The following SPAG16 variants were observed in gnomAD, a reference collection of about 807,000 sequenced individuals.
The protein encoded by SPAG16 is sperm-associated antigen 16 protein.
In SPAG16, 86 loss-of-function variants were observed where a neutral mutation model predicts 80.4. That is an observed-to-expected ratio of 1.07 (90% CI 0.90 to 1.28). SPAG16 has a LOEUF of 1.28. SPAG16 is among the 50% of genes most tolerant of loss of function. The pLI is 0.00. For synonymous variants in SPAG16, 294 were observed against 265.9 expected, an observed-to-expected ratio of 1.11 and a Z score of -1.03; for missense variants, 870 against 765.3, an observed-to-expected ratio of 1.14 and a Z score of -1.61.
chr2:213,859,993 TTGATGATGA>T (rs112613257), intron 10 of SPAG16, among the ~76,000 whole-genome samples: 1 of 150,556 alleles, frequency 6.6e-6, no homozygotes, highest in Non-Finnish European at 1.5e-5. Flanking sequence ...TTACCATTAG[TTGATGATGA>T]TGATGATGAT....
At chr2:214,245,181 A>T (rs1015833998) in intron 15 of SPAG16, among the ~76,000 whole-genome samples, 2 of 152,152 alleles carry the variant, frequency 1.3e-5, no homozygotes, top group African/African-American at 4.8e-5. Context: ...TATTATTCTG[A>T]CTATACAGCA....
chr2:213,589,609 G>T (rs903968291), intron 10 of SPAG16, among the ~76,000 whole-genome samples: 4 of 152,020 alleles, frequency 2.6e-5, no homozygotes, highest in African/African-American at 9.7e-5. Flanking sequence ...GAACGCCACC[G>T]CAGCTTCACC....
intron 13 of SPAG16, among the ~76,000 whole-genome samples, chr2:214,019,173 A>G (rs1484148888): frequency 6.6e-6 from 1 of 152,214 alleles, no homozygotes; most frequent in Non-Finnish European, 1.5e-5. Flanking sequence ...GCCTACCTAA[A>G]GGCAGTAAGA....
chr2:213,889,985 G>GA (rs2076726506), intron 11 of SPAG16, among the ~76,000 whole-genome samples: 1 of 151,940 alleles, frequency 6.6e-6, no homozygotes, highest in South Asian at 2.1e-4. Context: ...GTGTAAGGTG[G>GA]TAGATGCAGA....
intron 11 of SPAG16, among the ~76,000 whole-genome samples, chr2:213,870,525 T>A (rs535111404): frequency 1.3e-5 from 2 of 152,338 alleles, no homozygotes; most frequent in East Asian, 3.9e-4. Flanking sequence ...CAGACTTATT[T>A]TCCAGTATGG....
intron 10 of SPAG16, among the ~76,000 whole-genome samples, chr2:213,573,768 A>T (rs2126016324): frequency 6.6e-6 from 1 of 152,308 alleles, no homozygotes; most frequent in South Asian, 2.1e-4. Context: ...TTTTGCTGGT[A>T]CAAACAAAGA....
intron 13 of SPAG16, among the ~76,000 whole-genome samples, chr2:214,093,628 G>T (rs1176632118): frequency 2.0e-5 from 3 of 151,890 alleles, no homozygotes; most frequent in Admixed American, 6.6e-5. Flanking sequence ...TATGTGTGGG[G>T]TTTTTTAACA....
At chr2:214,041,309 T>TG (rs772157441) in intron 13 of SPAG16, among the ~76,000 whole-genome samples, 26 of 152,022 alleles carry the variant, frequency 1.7e-4, no homozygotes, top group Non-Finnish European at 3.4e-4. Context: ...TCACTGTTAC[T>TG]TTTTGGGGGT....
chr2:213,994,578 T>C (rs1449789477), intron 12 of SPAG16, among the ~76,000 whole-genome samples: 1 of 42,160 alleles, frequency 2.4e-5, no homozygotes, highest in Non-Finnish European at 4.1e-5. Flanking sequence ...TTTTCCATCC[T>C]TTTTTTTTTT....
chr2:214,288,863 G>A (rs1267023981), intron 15 of SPAG16, among the ~76,000 whole-genome samples: 1 of 152,012 alleles, frequency 6.6e-6, no homozygotes, highest in East Asian at 1.9e-4. Flanking sequence ...CAGCCTCCCC[G>A]GTTCACGCCA....
chr2:214,201,164 G>A (rs2057998474), intron 15 of SPAG16, among the ~76,000 whole-genome samples: 1 of 152,114 alleles, frequency 6.6e-6, no homozygotes, highest in African/African-American at 2.4e-5. Context: ...TGTCTACAGG[G>A]CCACAATTAA....
At chr2:214,018,227 A>C (rs536881219) in intron 13 of SPAG16, among the ~76,000 whole-genome samples, 17 of 152,234 alleles carry the variant, frequency 1.1e-4, no homozygotes, top group African/African-American at 3.8e-4. Context: ...AACTGTGGCG[A>C]CTTCATTTCA....
intron 13 of SPAG16, among the ~76,000 whole-genome samples, chr2:214,089,017 T>C (rs1284611273): frequency 6.6e-6 from 1 of 152,112 alleles, no homozygotes; most frequent in African/African-American, 2.4e-5. Context: ...GAATCAAGCA[T>C]ATTAAAGAAT....
intron 15 of SPAG16, among the ~76,000 whole-genome samples, chr2:214,280,429 G>C (rs1034112338): frequency 6.6e-6 from 1 of 152,132 alleles, no homozygotes; most frequent in Non-Finnish European, 1.5e-5. Flanking sequence ...CTTTGAAAAA[G>C]AACATATTTG....
At chr2:213,704,343 A>G (rs1426760326) in intron 10 of SPAG16, among the ~76,000 whole-genome samples, 5 of 152,194 alleles carry the variant, frequency 3.3e-5, no homozygotes, top group Non-Finnish European at 7.3e-5. Flanking sequence ...TACAGGCACT[A>G]CAGTATTTCA....
At chr2:213,494,447 C>A (rs963879507) in intron 10 of SPAG16, among the ~76,000 whole-genome samples, 1 of 152,176 alleles carries the variant, frequency 6.6e-6, no homozygotes, top group South Asian at 2.1e-4. Context: ...GCCTAGGAGT[C>A]ATTTTAATTC....
chr2:213,704,347 T>C (rs2065642415), intron 10 of SPAG16, among the ~76,000 whole-genome samples: 5 of 152,190 alleles, frequency 3.3e-5, no homozygotes, highest in Non-Finnish European at 5.9e-5. Flanking sequence ...GGCACTACAG[T>C]ATTTCATTTT....
At chr2:213,462,493 C>G (rs1401660742) in intron 9 of SPAG16, among the ~76,000 whole-genome samples, 1 of 152,096 alleles carries the variant, frequency 6.6e-6, no homozygotes, top group Non-Finnish European at 1.5e-5. Context: ...TGTCCCTACC[C>G]AAATCTCATC....
chr2:213,908,748 C>CTT (rs55710221), intron 11 of SPAG16, among the ~76,000 whole-genome samples: 50,677 of 143,990 alleles, frequency 0.35, 8,916 homozygotes, highest in South Asian at 0.46. Flanking sequence ...CAAGATCATT[C>CTT]TTTTTTTTTG....
Sources: gnomAD v4.1 joint callset for allele counts (sites outside exome capture counted in the v4.1 genomes callset) on GRCh38, gnomAD v4.1.1 for gene constraint, MANE v1.5 for transcripts, NCBI Gene and HGNC (gene_info 2026-07-23, HGNC 2026-07-21) for gene names.